Variants in MAP3K7CL observed in about 807,000 individuals in gnomAD.
MAP3K7CL encodes MAP3K7 C-terminal-like protein.
Under a neutral mutation model 18.6 loss-of-function variants are expected in MAP3K7CL, and 16 were observed. That is an observed-to-expected ratio of 0.86 (90% CI 0.58 to 1.31). The LOEUF is 1.31. MAP3K7CL is among the 50% of genes most tolerant of loss of function. The pLI is 0.00. For missense variants in MAP3K7CL, 163 were observed against 174.4 expected (o/e 0.93, Z 0.37); for synonymous variants, 65 against 66.8 (o/e 0.97, Z 0.13).
At chr21:29,097,638 C>T (rs2086146659) in intron 4 of MAP3K7CL, among the ~76,000 whole-genome samples, 1 of 151,648 alleles carries the variant, frequency 6.6e-6, no homozygotes, top group Non-Finnish European at 1.5e-5. Context: ...ACATTATGGT[C>T]AAATAACACG....
At chr21:29,170,244 T>A (rs926734256) in intron 4 of MAP3K7CL, among the ~76,000 whole-genome samples, 1 of 152,246 alleles carries the variant, frequency 6.6e-6, no homozygotes, top group African/African-American at 2.4e-5. Flanking sequence ...TATAATTACT[T>A]ATCAAATACA....
chr21:29,097,597 GT>G (rs796708937), intron 4 of MAP3K7CL, among the ~76,000 whole-genome samples: 32 of 148,686 alleles, frequency 2.2e-4, no homozygotes, highest in African/African-American at 7.2e-4. Flanking sequence ...TCCCTTACAA[GT>G]TTTTTTTTTA....
Position 29,143,205 on chromosome 21 carries a change from A to T in MAP3K7CL, c.71-5984A>T, listed in dbSNP as rs535168033. ...ATTCAAGACACTATAGCATTAAATT[A>T]AGCGTGGGGCCCGTCTGGAGGGCGG... On this transcript the variant is annotated intron_variant, in intron 2 of 4. Coordinates refer to ENST00000399928, the MANE Select transcript of MAP3K7CL (RefSeq NM_001286620.2). Among the ~76,000 whole-genome samples, 5 of 152,324 alleles carry T rather than the reference A, an allele frequency of 3.3e-5. No individual in the cohort carries two copies. The East Asian group carries it at 5.8e-4, about 18-fold the overall frequency.
At chr21:29,096,426 C>A (rs1451171062) in intron 4 of MAP3K7CL, among the ~76,000 whole-genome samples, 1 of 152,098 alleles carries the variant, frequency 6.6e-6, no homozygotes, top group Non-Finnish European at 1.5e-5. Flanking sequence ...AGGGAAAGCA[C>A]AAAGTGCACA....
chr21:29,154,377 C>G (rs542062786), intron 3 of MAP3K7CL, among the ~76,000 whole-genome samples: 1 of 140,562 alleles, frequency 7.1e-6, no homozygotes, highest in Non-Finnish European at 1.5e-5. Context: ...CAAGGTGCTT[C>G]GAGAACAATA....
chr21:29,151,662 T>A (rs2146694984), intron 3 of MAP3K7CL, among the ~76,000 whole-genome samples: 1 of 152,318 alleles, frequency 6.6e-6, no homozygotes, highest in African/African-American at 2.4e-5. Context: ...AAAAGCATAT[T>A]CAGGCTATTG....
At chr21:29,079,371 A>T (rs962521035) in intron 1 of MAP3K7CL, among the ~76,000 whole-genome samples, 1 of 152,224 alleles carries the variant, frequency 6.6e-6, no homozygotes, top group Non-Finnish European at 1.5e-5. Flanking sequence ...GCAAAGGCCC[A>T]TGCTAATCTG....
chr21:29,139,460 G>C (rs1601226839), intron 2 of MAP3K7CL: 1 of 152,104 alleles, frequency 6.6e-6, no homozygotes, highest in Non-Finnish European at 1.5e-5. Flanking sequence ...TCCTCCTCAG[G>C]ATCCGAAGTA....
At chr21:29,135,470 G>A (rs2086866151) in intron 2 of MAP3K7CL, among the ~76,000 whole-genome samples, 1 of 152,152 alleles carries the variant, frequency 6.6e-6, no homozygotes, top group Non-Finnish European at 1.5e-5. Context: ...AGTATATAAA[G>A]CTTATTTATC....
intron 4 of MAP3K7CL, among the ~76,000 whole-genome samples, chr21:29,112,931 C>T (rs1482405665): frequency 6.6e-6 from 1 of 152,024 alleles, no homozygotes; most frequent in Non-Finnish European, 1.5e-5. Context: ...GTCTCAGCCT[C>T]CCGAGTTGCT....
chr21:29,150,434 CT>C (rs1038922103), intron 3 of MAP3K7CL, among the ~76,000 whole-genome samples: 1 of 152,172 alleles, frequency 6.6e-6, no homozygotes, highest in Non-Finnish European at 1.5e-5. Flanking sequence ...TCATTCTCAC[CT>C]TTGTAGCAGT....
At chr21:29,157,192 A>C (rs2087427676) in intron 3 of MAP3K7CL, among the ~76,000 whole-genome samples, 1 of 152,202 alleles carries the variant, frequency 6.6e-6, no homozygotes. Context: ...GGTAGTGTTA[A>C]GTATATTCAC....
At chr21:29,077,134 C>T (rs911943382), upstream of MAP3K7CL, among the ~76,000 whole-genome samples, 1 of 152,264 alleles carries the variant, frequency 6.6e-6, no homozygotes, top group Admixed American at 6.5e-5. Context: ...CTGGCTTCAC[C>T]CAGTGGATCA....
chr21:29,164,111 C>A (rs200042611), intron 4 of MAP3K7CL, among the ~76,000 whole-genome samples: 289 of 115,498 alleles, frequency 2.5e-3, no homozygotes, highest in East Asian at 0.01. Context: ...AAAAAAAAAA[C>A]AAACTGCTAG....
intron 2 of MAP3K7CL, among the ~76,000 whole-genome samples, chr21:29,136,758 C>A (rs1443181923): frequency 6.6e-6 from 1 of 152,058 alleles, no homozygotes; most frequent in African/African-American, 2.4e-5. Context: ...TGACCTCAAG[C>A]AATCGGCCCG....
At chr21:29,085,879 C>T (rs1157895552) in exon 1 of MAP3K7CL, 9 of 1,614,086 alleles carry the variant, frequency 5.6e-6, no homozygotes, top group Non-Finnish European at 7.6e-6. Context: ...GCTGATTGCA[C>T]CTTTAGAAGT....
At chr21:29,089,018 A>C (rs1265209294) in intron 1 of MAP3K7CL, among the ~76,000 whole-genome samples, 1 of 151,942 alleles carries the variant, frequency 6.6e-6, no homozygotes, top group Non-Finnish European at 1.5e-5. Context: ...AAAAATACAA[A>C]AATTAGCCAG....
intron 4 of MAP3K7CL, among the ~76,000 whole-genome samples, chr21:29,105,281 G>A (rs1363153515): frequency 4.6e-5 from 7 of 152,138 alleles, no homozygotes; most frequent in East Asian, 1.9e-4. Flanking sequence ...ACAGGTGATC[G>A]TTCATTCTCT....
intron 4 of MAP3K7CL, among the ~76,000 whole-genome samples, chr21:29,169,941 C>T (rs1351559790): frequency 6.6e-6 from 1 of 152,184 alleles, no homozygotes; most frequent in Non-Finnish European, 1.5e-5. Flanking sequence ...AGCTATGTTA[C>T]AGATTCATGA....
Sources: gnomAD v4.1 joint callset for allele counts (sites outside exome capture counted in the v4.1 genomes callset) on GRCh38, gnomAD v4.1.1 for gene constraint, MANE v1.5 for transcripts, NCBI Gene and HGNC (gene_info 2026-07-23, HGNC 2026-07-21) for gene names.